The following LTBP2 variants were observed in gnomAD, a reference collection of about 807,000 sequenced individuals.
LTBP2 encodes latent transforming growth factor beta binding protein 2.
In LTBP2, 103 loss-of-function variants were observed where a neutral mutation model predicts 210.6. The observed-to-expected ratio is 0.49, with a 90% CI of 0.42 to 0.58. LTBP2 has a LOEUF of 0.58. Among genes scored for constraint, LTBP2 ranks in the 20% least tolerant of loss-of-function variants. LTBP2 has a pLI of 0.00. For synonymous variants in LTBP2, 1,007 were observed against 1,015.0 expected (o/e 0.99, Z 0.15); for missense variants, 2,313 against 2,494.5 (o/e 0.93, Z 1.55).
Position 74,552,350 on chromosome 14 carries a change from G to A in LTBP2, c.1236C>T (p.Gly412=), listed in dbSNP as rs1299904960. 2.5e-6 allele frequency: 4 copies of A among 1,611,718 alleles called. No homozygotes were observed. Among genetic ancestry groups the A allele is most frequent in the South Asian group, 1.1e-5 (1 of 91,086 alleles). Residue 412 remains glycine, a synonymous_variant, in exon 6 of 36, where the codon GGC becomes GGT. Transcript: ENST00000261978. The part of the protein sequence containing the change: ...IPCLNGGRCI[G]RDECWCPANS... Reference sequence around the variant, plus strand: ...TGGCGGGGCACCAGCATTCGTCCCTGCCGATGCAGCGGCCTCCGTTCAGGC... The same window carrying A: ...TGGCGGGGCACCAGCATTCGTCCCTACCGATGCAGCGGCCTCCGTTCAGGC...
At chr14:74,502,003 C>T in intron 34 of LTBP2, 1 of 315,408 alleles carries the variant, frequency 3.2e-6, no homozygotes, top group Admixed American at 4.6e-5. Context: ...GCAGAGGGGC[C>T]TCACTCAACA....
intron 8 of LTBP2, among the ~76,000 whole-genome samples, chr14:74,543,238 T>C (rs1292897087): frequency 6.6e-6 from 1 of 151,494 alleles, no homozygotes; most frequent in African/African-American, 2.4e-5. Flanking sequence ...ATTAGCTGGG[T>C]GTGATGGCGG....
chr14:74,528,829 A>C (rs1270985988), intron 11 of LTBP2, 129 bp downstream of exon 11: 1 of 1,511,852 alleles, frequency 6.6e-7, no homozygotes, highest in Non-Finnish European at 9.0e-7. Flanking sequence ...AGGTTGGGAT[A>C]AGCACGTGAG....
At position 74,511,361 on chromosome 14, in the gene LTBP2, A is replaced by G. The variant is rs1274109246; in HGVS notation, c.2912T>C (p.Ile971Thr). The change falls in exon 19 of 36, where the codon ATC becomes ACC. Residue 971 changes from isoleucine to threonine, a missense_variant. Transcript: ENST00000261978. ...IMVRKGHCQD[I>T]NECRHPGTCP... ...GGTACCGGGGTGACGGCATTCGTTG[A>G]TATCTGCAAAACAGCAGCCCCTCCC... The G allele has an allele frequency of 5.6e-6, 9 of 1,613,930 alleles. No individual in the cohort carries two copies. Among genetic ancestry groups the G allele is most frequent in the Non-Finnish European group, 7.6e-6 (9 of 1,179,980 alleles).
chr14:74,609,422 A>G (rs1595307154), intron 1 of LTBP2, among the ~76,000 whole-genome samples: 1 of 152,138 alleles, frequency 6.6e-6, no homozygotes, highest in East Asian at 1.9e-4. Flanking sequence ...TGCACCCTCC[A>G]GCCCCCACGC....
At chr14:74,570,154 G>C (rs1161801382) in intron 3 of LTBP2, among the ~76,000 whole-genome samples, 1 of 151,926 alleles carries the variant, frequency 6.6e-6, no homozygotes, top group Non-Finnish European at 1.5e-5. Flanking sequence ...ATTGAGCTAG[G>C]ACTCTTTCCC....
chr14:74,515,970 A>G (rs1287645953), intron 18 of LTBP2, among the ~76,000 whole-genome samples: 2 of 152,194 alleles, frequency 1.3e-5, no homozygotes, highest in African/African-American at 2.4e-5. Context: ...TGGTAGTGGT[A>G]TTGGGAAGGG....
intron 2 of LTBP2, among the ~76,000 whole-genome samples, chr14:74,596,023 G>A (rs913420565): frequency 2.6e-5 from 4 of 151,928 alleles, no homozygotes; most frequent in African/African-American, 4.8e-5. Flanking sequence ...ATGATGAAAC[G>A]TCTCTACAAA....
intron 1 of LTBP2, among the ~76,000 whole-genome samples, chr14:74,604,002 C>T (rs1194692728): frequency 1.3e-5 from 2 of 151,936 alleles, no homozygotes; most frequent in Non-Finnish European, 2.9e-5. Flanking sequence ...ATAAAGAAGG[C>T]AGTCCACTGG....
chr14:74,555,929 T>C (rs928118667), intron 3 of LTBP2, among the ~76,000 whole-genome samples: 4 of 152,224 alleles, frequency 2.6e-5, no homozygotes, highest in Admixed American at 1.3e-4. Flanking sequence ...ACCAGGCTTT[T>C]GGTGGGTTAT....
In LTBP2 at chr14:74,516,812, C is replaced by T. The variant is rs1386844914; in HGVS notation, c.2908+10G>A. The T allele has an allele frequency of 1.5e-5, 24 of 1,551,556 alleles. 1 individual carries two copies. In the East Asian group the frequency reaches 3.4e-4, roughly 22 times the overall value. On this transcript the variant is annotated intron_variant, in intron 18 of 35. Coordinates refer to ENST00000261978, the MANE Select transcript of LTBP2 (RefSeq NM_000428.3). The stretch of plus-strand genomic sequence containing the variant: ...GGTGGCAGGGCGCTTCCCTCCTTCC[C>T]GTTCCTTACCTTGGCAGTGTCCTTT...
At chr14:74,553,180 G>T in intron 4 of LTBP2, 118 bp from the exon 5 acceptor site, 1 of 996,108 alleles carries the variant, frequency 1.0e-6, no homozygotes, top group Non-Finnish European at 1.5e-6. Flanking sequence ...GGCATTTGCT[G>T]AGTACCTACT....
chr14:74,506,869 G>A lies in LTBP2; in HGVS notation c.3908-46C>T, dbSNP rs754345356. On this transcript the variant is annotated intron_variant, in intron 26 of 35. Coordinates refer to ENST00000261978, the MANE Select transcript of LTBP2 (RefSeq NM_000428.3). ...GGATAGAGGATGTGTGTGTGTGTGT[G>A]TGTGTGTGTGCGCGCGCGCGTGTGT... 5 of 1,551,868 alleles carry A rather than the reference G, an allele frequency of 3.2e-6. No individual in the cohort carries two copies. The South Asian group carries it at 5.7e-5, about 18-fold the overall frequency.
intron 28 of LTBP2, 67 bp downstream of exon 28, chr14:74,505,981 G>A: frequency 1.3e-6 from 2 of 1,589,054 alleles, no homozygotes; most frequent in Non-Finnish European, 1.7e-6. Context: ...CTAGTAGAGG[G>A]ATGCAGAGGG....
At position 74,509,820 on chromosome 14, in the gene LTBP2, C is replaced by T. The variant is rs770573290; in HGVS notation, c.3191G>A (p.Gly1064Asp). The T allele has an allele frequency of 6.2e-7, 1 of 1,614,094 alleles. No individual in the cohort carries two copies. The highest frequency in any genetic ancestry group is 1.1e-5 in the South Asian group (1 of 91,086). Residue 1064 changes from glycine (G) to aspartate (D), a missense_variant, in exon 21 of 36, where the codon GGC (glycine) becomes GAC (aspartate). Gly to Asp is a moderately conservative substitution (Grantham distance 94). Transcript: ENST00000261978. ...ECASRASCPT[G>D]LCLNTEGSFA... is the part of the protein sequence containing the mutation. ...GGAGCCCTCCGTGTTGAGGCAGAGGCCTGTGGGGCATGAGGCCCGGCTGGC... is the reference window on the plus strand; with the variant it reads ...GGAGCCCTCCGTGTTGAGGCAGAGGTCTGTGGGGCATGAGGCCCGGCTGGC...
At chr14:74,526,171 C>CA (rs2139715618) in intron 13 of LTBP2, 57 bp from the exon 14 acceptor site, 2 of 1,521,036 alleles carry the variant, frequency 1.3e-6, no homozygotes, top group Admixed American at 3.8e-5. Context: ...TGTGATGTGC[C>CA]ACCTTCCACC....
At position 74,522,745 on chromosome 14, in the gene LTBP2, A is replaced by G. The variant is rs925819278; in HGVS notation, c.2659+45T>C. 6 of 1,585,886 alleles carry G rather than the reference A, an allele frequency of 3.8e-6. No homozygotes were observed. In the Admixed American group the frequency reaches 1.0e-4, roughly 27 times the overall value. Reference sequence around the variant, plus strand: ...ACTCGGCCTCTTAGCCCCTGCTCCCATCTACCCCAGCCGCCAAGTAAGCCC... The same window carrying G: ...ACTCGGCCTCTTAGCCCCTGCTCCCGTCTACCCCAGCCGCCAAGTAAGCCC... On this transcript the variant is annotated intron_variant, in intron 16 of 35. Transcript: ENST00000261978.
rs529442225 is a variant in LTBP2, at chr14:74,500,078, C to A, written c.*806G>T. The A allele has an allele frequency of 6.9e-5, 16 of 233,020 alleles. No individual in the cohort carries two copies. The highest frequency in any genetic ancestry group is 1.2e-4 in the Non-Finnish European group (14 of 118,026). The allele number at this position is 233,020 out of a possible 1,614,324, so 14.4% of individuals were successfully genotyped here. On this transcript the variant is annotated 3_prime_UTR_variant, in exon 36 of 36. Transcript: ENST00000261978. ...GATGGGTGCTGTATCCCATGGCAGC[C>A]CTTGCTGCTGGTGCCCACAGGCTAT...
In LTBP2 at chr14:74,508,022, A is replaced by G; in HGVS notation, c.3726T>C (p.Cys1242=). ...AGGGCTGGAAGCCAGTCTCACATAG[A>G]CAGTTGAAGGAGCCCTCGGTGTTGA... is the stretch of plus-strand genomic sequence containing the variant. ...HCVNTEGSFN[C]LCETGFQPSP... The change falls in exon 25 of 36, where the codon TGT becomes TGC. Residue 1242 remains cysteine, a synonymous_variant. Transcript: ENST00000261978. 1 of 1,613,898 alleles carries G rather than the reference A, an allele frequency of 6.2e-7. No homozygotes were observed. Among genetic ancestry groups the G allele is most frequent in the East Asian group, 2.2e-5 (1 of 44,876 alleles).
Sources: gnomAD v4.1 joint callset for allele counts (sites outside exome capture counted in the v4.1 genomes callset) on GRCh38, gnomAD v4.1.1 for gene constraint, MANE v1.5 for transcripts, NCBI Gene and HGNC (gene_info 2026-07-23, HGNC 2026-07-21) for gene names.